Variants in ZNF521 observed in about 807,000 individuals in gnomAD.
The protein encoded by ZNF521 is LYST-interacting protein 3.
A neutral mutation model predicts 105.5 loss-of-function variants in ZNF521; 14 were observed. The observed-to-expected ratio is 0.13, with a 90% CI of 0.09 to 0.21. The LOEUF (loss-of-function observed/expected upper bound fraction) is 0.21. Among genes scored for constraint, ZNF521 ranks in the 10% least tolerant of loss-of-function variants. The pLI, the probability that ZNF521 is intolerant of heterozygous loss-of-function variation, is 1.00. For synonymous variants in ZNF521, 635 were observed against 606.0 expected (o/e 1.05, Z -0.70); for missense variants, 1,233 against 1,629.7 (o/e 0.76, Z 4.19).
At chr18:25,298,598 C>T (rs929538919) in intron 3 of ZNF521, among the ~76,000 whole-genome samples, 1 of 152,122 alleles carries the variant, frequency 6.6e-6, no homozygotes, top group African/African-American at 2.4e-5. Flanking sequence ...TACCCACATA[C>T]TTTATATTTT....
chr18:25,283,910 A>G (rs1910528766), intron 3 of ZNF521, among the ~76,000 whole-genome samples: 1 of 146,708 alleles, frequency 6.8e-6, no homozygotes, highest in African/African-American at 2.6e-5. Context: ...CCTAAAAAAC[A>G]AGCCAATACT....
chr18:25,184,181 C>T (rs575187573), intron 5 of ZNF521, among the ~76,000 whole-genome samples: 136 of 151,768 alleles, frequency 9.0e-4, no homozygotes, highest in Non-Finnish European at 1.6e-3. Flanking sequence ...CTCATAATTG[C>T]TTTTTTTTAA....
chr18:25,226,005 T>C lies in ZNF521; in HGVS notation c.1913A>G (p.Gln638Arg), dbSNP rs976592550. The change falls in exon 4 of 8, where the codon CAA (glutamine) becomes CGA (arginine). Residue 638 changes from glutamine to arginine, a missense_variant. This residue lies in a region of ZNF521 where 614 missense variants were observed against 751.5 expected (regional missense o/e 0.82). Coordinates refer to ENST00000361524, the MANE Select transcript of ZNF521 (RefSeq NM_015461.3). The surrounding 1 kb of genome is among the most constrained non-coding windows in gnomAD (Gnocchi z 4.1). ...ARPTGEYICN[Q>R]CGAKYTSLDS... is the part of the protein sequence containing the mutation. ...TAGGGATGTGTACTTAGCACCACAT[T>C]GATTACAGATATATTCTCCAGTGGG... The C allele has an allele frequency of 1.5e-5, 25 of 1,614,062 alleles. No individual in the cohort carries two copies. The highest frequency in any genetic ancestry group is 1.9e-5 in the Non-Finnish European group (23 of 1,180,038).
At chr18:25,316,322 TTA>T (rs1491406178) in intron 3 of ZNF521, among the ~76,000 whole-genome samples, 3 of 127,086 alleles carry the variant, frequency 2.4e-5, no homozygotes, top group Non-Finnish European at 5.0e-5. Flanking sequence ...TAAAACGAAT[TTA>T]AAAAAAAAAA....
intron 7 of ZNF521, among the ~76,000 whole-genome samples, chr18:25,065,087 C>A (rs1198328178): frequency 6.6e-6 from 1 of 152,102 alleles, no homozygotes; most frequent in Non-Finnish European, 1.5e-5. Flanking sequence ...AGGTTATAAA[C>A]AATAAAAGTT....
chr18:25,210,315 T>C (rs548451329), intron 4 of ZNF521, among the ~76,000 whole-genome samples: 35 of 152,322 alleles, frequency 2.3e-4, no homozygotes, highest in African/African-American at 8.4e-4. Flanking sequence ...AACTGTTACA[T>C]GAACTCATTT....
chr18:25,089,690 G>C, intron 6 of ZNF521, 110 bp from the exon 7 acceptor site: 1 of 811,578 alleles, frequency 1.2e-6, no homozygotes, highest in East Asian at 2.6e-5. Flanking sequence ...TCCCAGGTGT[G>C]ACTTACTGCC....
intron 5 of ZNF521, among the ~76,000 whole-genome samples, chr18:25,190,381 T>C (rs759943125): frequency 1.3e-5 from 2 of 152,174 alleles, no homozygotes; most frequent in Non-Finnish European, 2.9e-5. Flanking sequence ...TAGCCACACA[T>C]ATAGGCATTA....
At chr18:25,248,764 C>T (rs551733962) in intron 3 of ZNF521, among the ~76,000 whole-genome samples, 38 of 152,300 alleles carry the variant, frequency 2.5e-4, no homozygotes, top group South Asian at 8.3e-4. Flanking sequence ...ACTACAAGTG[C>T]GCACTTATTT....
intron 3 of ZNF521, among the ~76,000 whole-genome samples, chr18:25,233,542 G>A (rs546852099): frequency 5.3e-5 from 8 of 152,214 alleles, no homozygotes; most frequent in East Asian, 1.9e-4. Context: ...TAACAGTTAG[G>A]TTATGAGGAA....
chr18:25,278,787 G>A (rs193273008), intron 3 of ZNF521, among the ~76,000 whole-genome samples: 1 of 152,176 alleles, frequency 6.6e-6, no homozygotes, highest in East Asian at 1.9e-4. Context: ...AATAATAAAT[G>A]ACTATAACCA....
chr18:25,075,502 T>C (rs1321833091), intron 7 of ZNF521, among the ~76,000 whole-genome samples: 1 of 152,146 alleles, frequency 6.6e-6, no homozygotes, highest in East Asian at 1.9e-4. Context: ...ACACTGAAAA[T>C]CATTCAAAGC....
At chr18:25,190,154 A>T (rs552980469) in intron 5 of ZNF521, among the ~76,000 whole-genome samples, 1 of 152,300 alleles carries the variant, frequency 6.6e-6, no homozygotes, top group Non-Finnish European at 1.5e-5. Flanking sequence ...CATCTTTTTT[A>T]ATCCAGCTCT....
At chr18:25,297,025 G>A (rs1476829607) in intron 3 of ZNF521, among the ~76,000 whole-genome samples, 1 of 151,740 alleles carries the variant, frequency 6.6e-6, no homozygotes, top group African/African-American at 2.4e-5. Flanking sequence ...CCCATAAATT[G>A]TAAAGCCTTG....
chr18:25,072,505 G>A (rs545529056), intron 7 of ZNF521, among the ~76,000 whole-genome samples: 6 of 152,224 alleles, frequency 3.9e-5, no homozygotes, highest in East Asian at 1.9e-4. Context: ...TGACAATAGC[G>A]TGCACTATGT....
At chr18:25,175,372 T>C (rs1199826341) in intron 5 of ZNF521, among the ~76,000 whole-genome samples, 1 of 152,204 alleles carries the variant, frequency 6.6e-6, no homozygotes, top group Middle Eastern at 3.2e-3. Context: ...ATTAGGACTT[T>C]ATAAATGTGA....
chr18:25,228,512 T>C (rs925323794), intron 3 of ZNF521, among the ~76,000 whole-genome samples: 8 of 152,186 alleles, frequency 5.3e-5, no homozygotes, highest in African/African-American at 1.9e-4. Context: ...GTTTGGAAAG[T>C]TCAAGAGGTG....
chr18:25,108,739 C>T lies in ZNF521; in HGVS notation c.3659-16658G>A, dbSNP rs1279108938. ...TCCCTGGTTCAAGTGATTCTCCTGCCTCAGCCTCCTGAGTAGCTGGGACTA... is the reference window on the plus strand; with the variant it reads ...TCCCTGGTTCAAGTGATTCTCCTGCTTCAGCCTCCTGAGTAGCTGGGACTA... On this transcript the variant is annotated intron_variant, in intron 5 of 7. Coordinates refer to ENST00000361524, the MANE Select transcript of ZNF521 (RefSeq NM_015461.3). 2.6e-5 allele frequency among the ~76,000 whole-genome samples: 4 copies of T among 151,564 alleles called. No homozygotes were observed. The East Asian group carries it at 7.8e-4, about 30-fold the overall frequency.
At chr18:25,120,285 A>G (rs1358013016) in intron 5 of ZNF521, among the ~76,000 whole-genome samples, 1 of 152,168 alleles carries the variant, frequency 6.6e-6, no homozygotes, top group East Asian at 1.9e-4. Flanking sequence ...CAGATTTTAT[A>G]AAACTTGTAG....
Sources: allele counts gnomAD v4.1 joint callset (sites outside exome capture counted in the v4.1 genomes callset), GRCh38; gene constraint gnomAD v4.1.1; regional missense constraint gnomAD v4.1.1; non-coding constraint Gnocchi (gnomAD v3.1); transcripts MANE v1.5; gene names NCBI Gene and HGNC (gene_info 2026-07-23, HGNC 2026-07-21).